TBL1Y: variants seen among roughly 807,000 people sequenced by gnomAD.
TBL1Y encodes the protein transducin beta like 1 Y-linked, also known as F-box-like/WD repeat-containing protein TBL1Y.
Under a neutral mutation model 12.0 loss-of-function variants are expected in TBL1Y, and 15 were observed. The ratio of observed to expected loss-of-function variants is 1.25; its 90% CI spans 0.83 to 1.92. TBL1Y has a LOEUF of 1.92. TBL1Y is among the 40% of genes most tolerant of loss of function. TBL1Y has a pLI of 0.00. For synonymous variants in TBL1Y, 53 were observed against 42.6 expected (o/e 1.24, Z -0.95); for missense variants, 148 against 116.7 (o/e 1.27, Z -1.24).
chrY:6,989,209 C>CA (rs2012345607), intron 3 of TBL1Y, among the ~76,000 whole-genome samples: 1 of 31,015 alleles, frequency 3.2e-5, no homozygotes, highest in Non-Finnish European at 7.8e-5. Context: ...GACTCCATTT[C>CA]AAAAAAAAAT....
At position 7,028,824 on chromosome Y, in the gene TBL1Y, G is replaced by A. The variant is rs543120713; in HGVS notation, c.58+3682G>A. On this transcript the variant is annotated intron_variant, in intron 6 of 18. Coordinates refer to ENST00000383032, the MANE Select transcript of TBL1Y (RefSeq NM_033284.2). ...CACATGGTGACCATGTGCCTTTCCC[G>A]TGAGCTCATGTTACCATCCCAGGAG... 1.8e-3 allele frequency among the ~76,000 whole-genome samples: 59 copies of A among 32,067 alleles called. No homozygotes were observed. The South Asian group carries it at 0.041, about 22-fold the overall frequency. 86.0% of individuals were successfully genotyped at this position (32,067 alleles called of 37,273 possible). A position where few individuals can be genotyped will look rare whatever the true frequency, so the allele number is the denominator to read the frequency against.
At chrY:6,980,830 C>T (rs528521530) in intron 3 of TBL1Y, among the ~76,000 whole-genome samples, 2 of 33,638 alleles carry the variant, frequency 5.9e-5, no homozygotes, top group South Asian at 6.6e-4. Context: ...TTGTCATAGT[C>T]GTTGTATTTG....
intron 2 of TBL1Y, among the ~76,000 whole-genome samples, chrY:6,918,432 G>A (rs987979193): frequency 6.1e-5 from 2 of 32,902 alleles, no homozygotes; most frequent in Admixed American, 2.8e-4. Context: ...TTCTTGAGAC[G>A]GTCTCACTGT....
intron 2 of TBL1Y, among the ~76,000 whole-genome samples, chrY:6,942,647 C>T (rs2011959965): frequency 6.1e-5 from 2 of 32,535 alleles, no homozygotes; most frequent in Non-Finnish European, 7.5e-5. Flanking sequence ...GGTGCATTTG[C>T]GGCTGGCTGA....
At chrY:6,944,658 T>C (rs533219601) in intron 2 of TBL1Y, among the ~76,000 whole-genome samples, 544 of 33,640 alleles carry the variant, frequency 0.016, no homozygotes, top group Admixed American at 0.12. Context: ...AATCCTGCAG[T>C]ATTTATCTTT....
rs750609942 is a variant in TBL1Y, at chrY:7,087,287, T to A, written c.1301T>A (p.Val434Glu). The A allele has an allele frequency of 1.8e-5, 7 of 392,012 alleles. No individual in the cohort carries two copies. In the South Asian group the frequency reaches 2.1e-4, roughly 12 times the overall value. ...MLASASFDST[V>E]RLWDVEQGVC... ...CCTAGTGCTTCATTTGATTCTACAG[T>A]GCGACTGTGGGATGTGGAGCAAGGT... is the stretch of plus-strand genomic sequence containing the variant. Residue 434 changes from valine (V) to glutamate (E), a missense_variant, in exon 17 of 19, where the codon GTG becomes GAG. Physicochemically the swap from Val to Glu is moderately radical, Grantham distance 121. Coordinates refer to ENST00000383032, the MANE Select transcript of TBL1Y (RefSeq NM_033284.2).
chrY:6,974,893 T>C, intron 2 of TBL1Y, among the ~76,000 whole-genome samples: 1 of 33,635 alleles, frequency 3.0e-5, no homozygotes, highest in South Asian at 6.7e-4. Flanking sequence ...TACAATATAT[T>C]GCAGTGGTGT....
intron 7 of TBL1Y, among the ~76,000 whole-genome samples, chrY:7,048,323 A>G: frequency 3.0e-5 from 1 of 32,997 alleles, no homozygotes; most frequent in Admixed American, 2.8e-4. Flanking sequence ...GGGCCCTGTG[A>G]TCCATCCAAA....
intron 2 of TBL1Y, among the ~76,000 whole-genome samples, chrY:6,958,563 T>A: frequency 6.1e-5 from 2 of 32,634 alleles, no homozygotes; most frequent in South Asian, 7.4e-4. Context: ...GGTCTCTGAG[T>A]TCCCTCAGTT....
intron 8 of TBL1Y, among the ~76,000 whole-genome samples, chrY:7,068,251 G>T (rs772994648): frequency 2.8e-4 from 9 of 32,479 alleles, no homozygotes; most frequent in Non-Finnish European, 4.5e-4. Flanking sequence ...GCAATGAGCC[G>T]AGATTGTGCC....
intron 2 of TBL1Y, among the ~76,000 whole-genome samples, chrY:6,958,388 C>T: frequency 3.0e-5 from 1 of 33,054 alleles, no homozygotes; most frequent in Non-Finnish European, 7.4e-5. Context: ...TGTAAAAATT[C>T]AAGAGGGAGA....
intron 5 of TBL1Y, 94 bp downstream of exon 5, chrY:7,021,631 C>T: frequency 1.5e-4 from 5 of 33,723 alleles, no homozygotes. Flanking sequence ...AATCCCTTCT[C>T]TTTTAAATTA....
At chrY:7,070,627 C>G in intron 9 of TBL1Y, 93 bp from the exon 10 acceptor site, 1 of 338,644 alleles carries the variant, frequency 3.0e-6, no homozygotes, top group Non-Finnish European at 4.3e-6. Context: ...AGAGCACATG[C>G]CTACAATGTC....
intron 4 of TBL1Y, among the ~76,000 whole-genome samples, chrY:7,018,058 A>G (rs1056133636): frequency 5.9e-5 from 2 of 33,737 alleles, no homozygotes; most frequent in Non-Finnish European, 1.5e-4. Context: ...CTTTAAAACT[A>G]TATCTTGAAA....
At chrY:7,018,243 G>A in intron 4 of TBL1Y, among the ~76,000 whole-genome samples, 2 of 33,457 alleles carry the variant, frequency 6.0e-5, no homozygotes, top group African/African-American at 2.3e-4. Context: ...TGAAATCTAC[G>A]TATTAACATT....
intron 7 of TBL1Y, among the ~76,000 whole-genome samples, chrY:7,063,549 T>TAATCGGAATGAGTCAGGATGGAGTAGGC: frequency 3.1e-5 from 1 of 31,991 alleles, no homozygotes; most frequent in Admixed American, 2.8e-4. Flanking sequence ...ATGGAGTAGG[T>TAATCGGAATGAGTCAGGATGGAGTAGGC]AATCGGAATG....
chrY:6,954,212 G>A (rs1603029176), intron 2 of TBL1Y, among the ~76,000 whole-genome samples: 1 of 34,049 alleles, frequency 2.9e-5, no homozygotes, highest in Non-Finnish European at 7.3e-5. Context: ...GTCAGACAGG[G>A]ACATTTAAGT....
chrY:7,016,527 T>C (rs2012551521), intron 4 of TBL1Y, among the ~76,000 whole-genome samples: 1 of 32,860 alleles, frequency 3.0e-5, no homozygotes. Flanking sequence ...CATCCTTTGT[T>C]GTCATGGGGC....
chrY:6,955,384 C>T (rs1603029382), intron 2 of TBL1Y, among the ~76,000 whole-genome samples: 2 of 33,860 alleles, frequency 5.9e-5, no homozygotes, highest in East Asian at 7.8e-4. Context: ...AAAATTAACT[C>T]TGTGGCACTT....
Sources: allele counts gnomAD v4.1 joint callset (sites outside exome capture counted in the v4.1 genomes callset), GRCh38; gene constraint gnomAD v4.1.1; transcripts MANE v1.5; gene names NCBI Gene and HGNC (gene_info 2026-07-23, HGNC 2026-07-21).